The following SMARCD3 variants were observed in gnomAD, a reference collection of about 807,000 sequenced individuals.
SMARCD3 encodes SWI/SNF-related matrix-associated actin-dependent regulator of chromatin subfamily D member 3.
In SMARCD3, 14 loss-of-function variants were observed where a neutral mutation model predicts 58.0. The ratio of observed to expected loss-of-function variants is 0.24; its 90% confidence interval spans 0.16 to 0.38. SMARCD3 has a LOEUF of 0.38. SMARCD3 is among the 10% of genes least tolerant of loss of function. The pLI, the probability that SMARCD3 is intolerant of heterozygous loss-of-function variation, is 1.00. For synonymous variants in SMARCD3, 253 were observed against 253.8 expected, an observed-to-expected ratio of 1.00 and a Z score of 0.03; for missense variants, 408 against 636.9, an observed-to-expected ratio of 0.64 and a Z score of 3.87.
upstream of SMARCD3, chr7:151,249,465 A>G (rs1007056207): frequency 9.9e-5 from 15 of 152,216 alleles, no homozygotes; most frequent in Non-Finnish European, 1.3e-4. The surrounding 1 kb of genome is among the most constrained non-coding windows in gnomAD (Gnocchi z 4.8). Context: ...ATTTCTGGGT[A>G]TGTGAGTCTT....
At chr7:151,259,601 G>GTTTTTTTTTTTTTTTTTT (rs112223142) in intron 2 of SMARCD3, among the ~76,000 whole-genome samples, 5 of 70,528 alleles carry the variant, frequency 7.1e-5, no homozygotes, top group African/African-American at 2.3e-4. Context: ...CAACCTGAGA[G>GTTTTTTTTTTTTTTTTTT]TTTTTTTTTT....
At chr7:151,275,627 G>A (rs1795317833) in intron 1 of SMARCD3, among the ~76,000 whole-genome samples, 1 of 152,194 alleles carries the variant, frequency 6.6e-6, no homozygotes, top group Admixed American at 6.5e-5. Flanking sequence ...GGCAGGTCAG[G>A]ATGGTAACTG....
chr7:151,273,491 G>A (rs896547832), intron 2 of SMARCD3, among the ~76,000 whole-genome samples: 4 of 152,210 alleles, frequency 2.6e-5, no homozygotes, highest in South Asian at 2.1e-4. Flanking sequence ...CCTGCCCCCC[G>A]TTCAACCTGG....
At chr7:151,258,869 C>G (rs1481866578) in intron 2 of SMARCD3, among the ~76,000 whole-genome samples, 1 of 152,136 alleles carries the variant, frequency 6.6e-6, no homozygotes, top group African/African-American at 2.4e-5. Context: ...CTCCCAAAAG[C>G]CTTTGTTCAC....
chr7:151,242,269 G>C lies in SMARCD3; in HGVS notation c.580-37C>G. ...CAACAGGGACCATGGGGGCAGAACA[G>C]GGACGAGGTGGGAGGAGCAGAAGGA... On this transcript the variant is annotated intron_variant, in intron 5 of 12. Transcript: ENST00000262188. This position sits in a 1 kb window ranked among gnomAD's most constrained non-coding sequence, Gnocchi z 4.7. 4 of 1,539,808 alleles carry C rather than the reference G, an allele frequency of 2.6e-6. No homozygotes were observed. Among genetic ancestry groups the C allele is most frequent in the Non-Finnish European group, 3.6e-6 (4 of 1,112,290 alleles).
Position 151,239,416 on chromosome 7 carries a change from T to G in SMARCD3, c.1378A>C (p.Ser460Arg). 6.2e-7 allele frequency: 1 copy of G among 1,613,684 alleles called. No homozygotes were observed. The highest frequency in any genetic ancestry group is 8.5e-7 in the Non-Finnish European group (1 of 1,179,842). Residue 460 changes from serine to arginine, a missense_variant, in exon 12 of 13, where the codon AGT becomes CGT. Transcript: ENST00000262188. The surrounding 1 kb of genome is among the most constrained non-coding windows in gnomAD (Gnocchi z 7.0). ...YHQPWSQEAV[S>R]RYFYCKIQQR... is the part of the protein sequence containing the mutation. ...CATACCTTGCAGTAGAAGTAGCGAC[T>G]GACGGCCTCCTGGGACCAGGGCTGG...
chr7:151,262,990 T>C (rs1803965735), intron 2 of SMARCD3, among the ~76,000 whole-genome samples: 1 of 152,184 alleles, frequency 6.6e-6, no homozygotes, highest in Non-Finnish European at 1.5e-5. Flanking sequence ...CACACAACTC[T>C]TACTGGGAGC....
chr7:151,251,282 C>T (rs755439621), upstream of SMARCD3, among the ~76,000 whole-genome samples: 1 of 152,116 alleles, frequency 6.6e-6, no homozygotes, highest in Non-Finnish European at 1.5e-5. Flanking sequence ...TAAGTGTACA[C>T]AGACAATAGA....
chr7:151,252,384 G>A (rs1042881144), upstream of SMARCD3, among the ~76,000 whole-genome samples: 4 of 152,180 alleles, frequency 2.6e-5, no homozygotes, highest in East Asian at 7.7e-4. Flanking sequence ...CTCTCCTTAG[G>A]AGAATACGAT....
intron 2 of SMARCD3, among the ~76,000 whole-genome samples, chr7:151,269,449 T>C (rs1021832499): frequency 6.6e-6 from 1 of 152,220 alleles, no homozygotes; most frequent in African/African-American, 2.4e-5. Context: ...TTTTTCTTTT[T>C]TCCAATTAAA....
intron 2 of SMARCD3, among the ~76,000 whole-genome samples, chr7:151,268,918 T>C (rs1458976540): frequency 2.0e-5 from 3 of 152,130 alleles, no homozygotes; most frequent in Non-Finnish European, 4.4e-5. Context: ...ATTCTTGAAA[T>C]AGTTCTCAAA....
intron 2 of SMARCD3, among the ~76,000 whole-genome samples, chr7:151,274,776 T>A (rs1174880131): frequency 6.6e-6 from 1 of 152,204 alleles, no homozygotes; most frequent in South Asian, 2.1e-4. Flanking sequence ...AAGTAGAGCA[T>A]GCCAGAGCCC....
chr7:151,254,944 T>C (rs574688442), intron 2 of SMARCD3, among the ~76,000 whole-genome samples: 162 of 152,290 alleles, frequency 1.1e-3, no homozygotes, highest in Non-Finnish European at 2.1e-3. Context: ...TTTGGGAATA[T>C]TAAATCAAAT....
intron 2 of SMARCD3, among the ~76,000 whole-genome samples, chr7:151,274,719 C>G (rs912552074): frequency 6.6e-6 from 1 of 152,148 alleles, no homozygotes; most frequent in Admixed American, 6.5e-5. Context: ...TCTTCATGTA[C>G]GCAGTGAGAG....
Position 151,241,854 on chromosome 7 carries a change from G to A in SMARCD3, c.777+23C>T, listed in dbSNP as rs767119880. On this transcript the variant is annotated intron_variant, in intron 7 of 12. Coordinates refer to ENST00000262188, the MANE Select transcript of SMARCD3 (RefSeq NM_001003801.2). This position sits in a 1 kb window ranked among gnomAD's most constrained non-coding sequence, Gnocchi z 5.3. ...CCTGAGGGCCTTGTGTGGCGTGTACGGGGCAGCATGGCAGGTGCAGACCTG... is the reference window on the plus strand; with the variant it reads ...CCTGAGGGCCTTGTGTGGCGTGTACAGGGCAGCATGGCAGGTGCAGACCTG... 1.5e-5 allele frequency: 23 copies of A among 1,585,930 alleles called. No individual in the cohort carries two copies. The highest frequency in any genetic ancestry group is 6.7e-5 in the African/African-American group (5 of 74,520).
At position 151,248,653 on chromosome 7, in the gene SMARCD3, T is replaced by G; in HGVS notation, c.-91A>C. The stretch of plus-strand genomic sequence containing the variant: ...TTTTTTTTCCTCCAACTCTCCCCTC[T>G]GAGTCCTGCTGGGCTCTCTCACACT... On this transcript the variant is annotated 5_prime_UTR_variant, in exon 1 of 13. Coordinates refer to ENST00000262188, the MANE Select transcript of SMARCD3 (RefSeq NM_001003801.2). The surrounding 1 kb of genome is among the most constrained non-coding windows in gnomAD (Gnocchi z 6.1). 1.3e-6 allele frequency: 2 copies of G among 1,566,420 alleles called. No homozygotes were observed. The highest frequency in any genetic ancestry group is 8.7e-7 in the Non-Finnish European group (1 of 1,153,754).
chr7:151,263,275 G>T (rs1803975250), intron 2 of SMARCD3, among the ~76,000 whole-genome samples: 3 of 151,978 alleles, frequency 2.0e-5, no homozygotes, highest in Non-Finnish European at 1.5e-5. Context: ...TTAAAAAAAT[G>T]CCAAGGGGTG....
intron 1 of SMARCD3, among the ~76,000 whole-genome samples, chr7:151,276,042 G>T (rs559883093): frequency 2.6e-5 from 4 of 151,884 alleles, no homozygotes; most frequent in South Asian, 4.2e-4. Context: ...CTGGAGACAG[G>T]GAGTGCTGGG....
rs1429239097 is a variant in SMARCD3, at chr7:151,238,835, C to T, written c.*268G>A. 6.6e-7 allele frequency: 1 copy of T among 1,510,998 alleles called. No individual in the cohort carries two copies. Among genetic ancestry groups the T allele is most frequent in the African/African-American group, 1.4e-5 (1 of 72,444 alleles). The allele number at this position is 1,510,998 out of a possible 1,614,324, so 93.6% of individuals were successfully genotyped here. A position where few individuals can be genotyped will look rare whatever the true frequency, so the allele number is the denominator to read the frequency against. On this transcript the variant is annotated 3_prime_UTR_variant, in exon 13 of 13. Transcript: ENST00000262188. ...GTCTTCTGCCAAACTGTTTTTAGGT[C>T]TAGGGAAAATTGAGTAAGGAGAAGA...
Sources: allele counts gnomAD v4.1 joint callset (sites outside exome capture counted in the v4.1 genomes callset), GRCh38; gene constraint gnomAD v4.1.1; non-coding constraint Gnocchi (gnomAD v3.1); transcripts MANE v1.5; gene names NCBI Gene and HGNC (gene_info 2026-07-23, HGNC 2026-07-21).